STXBP5L: variants seen among roughly 807,000 people sequenced by gnomAD.
STXBP5L encodes syntaxin binding protein 5L.
STXBP5L carries 65 observed loss-of-function variants against 144.5 expected under a neutral mutation model. The ratio of observed to expected loss-of-function variants is 0.45; its 90% CI spans 0.37 to 0.55. STXBP5L has a LOEUF of 0.55. Among genes scored for constraint, STXBP5L ranks in the 20% least tolerant of loss-of-function variants. The pLI is 0.00. For synonymous variants in STXBP5L, 505 were observed against 469.6 expected (o/e 1.08, Z -0.97); for missense variants, 1,298 against 1,405.5 (o/e 0.92, Z 1.22).
At chr3:121,375,010 AAGGGTGGG>A (rs141411321) in intron 20 of STXBP5L, among the ~76,000 whole-genome samples, 12 of 44,964 alleles carry the variant, frequency 2.7e-4, no homozygotes, top group African/African-American at 7.3e-4. Flanking sequence ...GAAGACTCAG[AAGGGTGGG>A]AGGGTGGGAG....
intron 20 of STXBP5L, among the ~76,000 whole-genome samples, chr3:121,342,201 C>G (rs761490679): frequency 5.3e-5 from 8 of 152,144 alleles, no homozygotes; most frequent in Non-Finnish European, 1.2e-4. Flanking sequence ...CCTTGCTGTT[C>G]AAGGATCAAC....
chr3:121,191,709 C>T (rs1453203656), intron 9 of STXBP5L, among the ~76,000 whole-genome samples: 1 of 152,080 alleles, frequency 6.6e-6, no homozygotes, highest in South Asian at 2.1e-4. Flanking sequence ...GAATGTCCAT[C>T]AGTGATAGAC....
chr3:121,078,663 G>A (rs1328752216), intron 5 of STXBP5L, among the ~76,000 whole-genome samples: 2 of 151,936 alleles, frequency 1.3e-5, no homozygotes, highest in Admixed American at 1.3e-4. Flanking sequence ...TGCAGGTTCT[G>A]AGCCCTGCCC....
chr3:120,972,274 TAGAGA>T (rs1462687901), intron 3 of STXBP5L, among the ~76,000 whole-genome samples: 1 of 152,090 alleles, frequency 6.6e-6, no homozygotes, highest in Non-Finnish European at 1.5e-5. Flanking sequence ...GTTCTCCTTG[TAGAGA>T]TCTTTCACCT....
chr3:121,134,631 C>T (rs1336844072), intron 7 of STXBP5L, among the ~76,000 whole-genome samples: 10 of 151,990 alleles, frequency 6.6e-5, no homozygotes, highest in South Asian at 2.1e-4. Flanking sequence ...GTTCAATTCC[C>T]GCCTATGAGT....
intron 22 of STXBP5L, among the ~76,000 whole-genome samples, chr3:121,398,286 C>G (rs2046783580): frequency 6.6e-6 from 1 of 152,262 alleles, no homozygotes; most frequent in Non-Finnish European, 1.5e-5. Flanking sequence ...CAAGGATCCA[C>G]AGACTCCTGT....
rs1376773241 is a variant in STXBP5L at position 121,045,477 on chromosome 3, T to C, written c.412T>C (p.Trp138Arg). Residue 138 changes from tryptophan (W) to arginine (R), a missense_variant, in exon 5 of 27, where the codon TGG (tryptophan) becomes CGG (arginine). Trp to Arg is a moderately radical substitution (Grantham distance 101, BLOSUM62 -3). Coordinates refer to ENST00000471454, the MANE Select transcript of STXBP5L (RefSeq NM_001308330.2). ...AAGTTCAGATGATACACTTCATTTG[T>C]GGAACCTTAGACAAAAAAGGCCAGC... is the stretch of plus-strand genomic sequence containing the variant. ...SASSDDTLHL[W>R]NLRQKRPAIL... The C allele has an allele frequency of 3.7e-6, 6 of 1,613,366 alleles. No homozygotes were observed. The highest frequency in any genetic ancestry group is 5.1e-6 in the Non-Finnish European group (6 of 1,179,546).
At chr3:121,308,309 A>G (rs2043411999) in intron 19 of STXBP5L, among the ~76,000 whole-genome samples, 1 of 152,190 alleles carries the variant, frequency 6.6e-6, no homozygotes. Context: ...AGTATTTTTC[A>G]AAAATGTAGG....
intron 3 of STXBP5L, among the ~76,000 whole-genome samples, chr3:120,999,973 G>C (rs1483799868): frequency 6.6e-6 from 1 of 152,172 alleles, no homozygotes; most frequent in Non-Finnish European, 1.5e-5. Context: ...TCTGCTGAAA[G>C]TTCTGCTGTT....
chr3:121,143,001 A>G (rs1420052770), intron 7 of STXBP5L, among the ~76,000 whole-genome samples: 1 of 151,930 alleles, frequency 6.6e-6, no homozygotes, highest in African/African-American at 2.4e-5. Context: ...TTAAAATTCA[A>G]ATAAATAAAA....
intron 9 of STXBP5L, among the ~76,000 whole-genome samples, chr3:121,180,678 C>T (rs971772223): frequency 3.9e-5 from 6 of 152,146 alleles, no homozygotes; most frequent in African/African-American, 1.4e-4. Flanking sequence ...GGTTCAAGAC[C>T]AGCCTGACCA....
chr3:121,123,555 CA>C (rs1267831768), intron 7 of STXBP5L, among the ~76,000 whole-genome samples: 1 of 149,622 alleles, frequency 6.7e-6, no homozygotes, highest in African/African-American at 2.4e-5. Context: ...CTTATATATT[CA>C]AATGCCTAAG....
intron 22 of STXBP5L, among the ~76,000 whole-genome samples, chr3:121,384,997 C>T (rs2046395686): frequency 6.6e-6 from 1 of 151,866 alleles, no homozygotes; most frequent in African/African-American, 2.4e-5. Flanking sequence ...TACAAAGTAC[C>T]TAGCATGCTT....
intron 20 of STXBP5L, among the ~76,000 whole-genome samples, chr3:121,367,789 C>CCTTTTTT (rs2045908739): frequency 9.0e-5 from 1 of 11,082 alleles, no homozygotes; most frequent in Non-Finnish European, 1.6e-4. Context: ...TTTTGCTTTT[C>CCTTTTTT]CTTTTTTTTT....
chr3:120,935,503 C>T (rs1710215848), intron 2 of STXBP5L, among the ~76,000 whole-genome samples: 1 of 151,954 alleles, frequency 6.6e-6, no homozygotes, highest in Admixed American at 6.6e-5. Context: ...TGACCCATAT[C>T]ATTTTCCTTC....
intron 25 of STXBP5L, among the ~76,000 whole-genome samples, chr3:121,416,944 A>C (rs540674495): frequency 4.1e-4 from 63 of 152,304 alleles, no homozygotes; most frequent in Non-Finnish European, 8.1e-4. Context: ...TTATGCAAAA[A>C]CATCTAGGTT....
intron 2 of STXBP5L, among the ~76,000 whole-genome samples, chr3:120,920,372 T>A (rs367695160): frequency 2.4e-4 from 37 of 151,844 alleles, no homozygotes; most frequent in African/African-American, 8.9e-4. Context: ...TTTAAATTGA[T>A]GCATAATAGA....
At chr3:121,283,974 TC>T (rs2051149153) in intron 19 of STXBP5L, among the ~76,000 whole-genome samples, 1 of 151,678 alleles carries the variant, frequency 6.6e-6, no homozygotes. Flanking sequence ...TTTACAGACT[TC>T]TTTTGGCTTT....
chr3:120,910,946 C>T (rs149344078), intron 2 of STXBP5L, among the ~76,000 whole-genome samples: 129 of 152,008 alleles, frequency 8.5e-4, no homozygotes, highest in Middle Eastern at 3.4e-3. Flanking sequence ...ATATTCTGTT[C>T]GATGAGGGAA....
Sources: gnomAD v4.1 joint callset for allele counts (sites outside exome capture counted in the v4.1 genomes callset) on GRCh38, gnomAD v4.1.1 for gene constraint, MANE v1.5 for transcripts, NCBI Gene and HGNC (gene_info 2026-07-23, HGNC 2026-07-21) for gene names.